ZC3H10: variants seen among roughly 807,000 people sequenced by gnomAD.
ZC3H10 encodes the protein zinc finger CCCH domain-containing protein 10.
Under a neutral mutation model 24.3 loss-of-function variants are expected in ZC3H10, and 12 were observed. The observed-to-expected ratio is 0.49, with a 90% CI of 0.32 to 0.80. The LOEUF (loss-of-function observed/expected upper bound fraction) is 0.80, where lower values mean the gene tolerates loss of function less well. Ranked by LOEUF, ZC3H10 falls within the 30% of genes least tolerant of loss-of-function variation. The pLI is 0.04. For missense variants in ZC3H10, 360 were observed against 576.3 expected, an observed-to-expected ratio of 0.62 and a Z score of 3.84; for synonymous variants, 226 against 217.0, an observed-to-expected ratio of 1.04 and a Z score of -0.36.
Position 56,121,411 on chromosome 12 carries a change from C to G in ZC3H10, c.849C>G (p.Thr283=). ...AQFRNQAKVI[T]LSSTAPATEQ... is the part of the protein sequence containing the mutation. ...TCCGCAATCAGGCCAAGGTCATAAC[C>G]CTGAGCTCCACTGCACCAGCGACTG... The change falls in exon 3 of 3, where the codon ACC becomes ACG. Residue 283 remains threonine (T), a synonymous_variant. Transcript: ENST00000257940. The surrounding 1 kb of genome is among the most constrained non-coding windows in gnomAD (Gnocchi z 6.2). 6.2e-7 allele frequency: 1 copy of G among 1,613,170 alleles called. No individual in the cohort carries two copies. The highest frequency in any genetic ancestry group is 1.3e-5 in the African/African-American group (1 of 74,996).
rs921428951 is a variant in ZC3H10 at position 56,123,041 on chromosome 12, A to G, written c.*1174A>G. ...GAGTCCTTCTAGGGACACAAGCCTCAGGGTCCATCCCTTTCCTCTGTCTCC... is the reference window on the plus strand; with the variant it reads ...GAGTCCTTCTAGGGACACAAGCCTCGGGGTCCATCCCTTTCCTCTGTCTCC... On this transcript the variant is annotated 3_prime_UTR_variant, in exon 3 of 3. Transcript: ENST00000257940. 2.0e-5 allele frequency: 3 copies of G among 152,256 alleles called. No homozygotes were observed. The highest frequency in any genetic ancestry group is 4.8e-5 in the African/African-American group (2 of 41,460). The allele number at this position is 152,256 out of a possible 1,614,324, so 9.4% of individuals were successfully genotyped here. A position where few individuals can be genotyped will look rare whatever the true frequency, so the allele number is the denominator to read the frequency against.
chr12:56,121,211 C>A lies in ZC3H10; in HGVS notation c.649C>A (p.Pro217Thr), dbSNP rs374457746. ...ACGCCGGCGAGGTGGATGCTGCCCC[C>A]CTGATGGCCCTCATTTTGAGTCATA... ...PKRRRGGCCPPDGPHFESYEY... is the reference protein window; with the variant it reads ...PKRRRGGCCPTDGPHFESYEY... The change falls in exon 3 of 3, where the codon CCT becomes ACT. Residue 217 changes from proline to threonine, a missense_variant. This residue lies in a region of ZC3H10 where 101 missense variants were observed against 110.8 expected (regional missense o/e 0.91). Transcript: ENST00000257940. This position sits in a 1 kb window ranked among gnomAD's most constrained non-coding sequence, Gnocchi z 6.2. 5.0e-6 allele frequency: 8 copies of A among 1,613,820 alleles called. No individual in the cohort carries two copies. Among genetic ancestry groups the A allele is most frequent in the South Asian group, 3.3e-5 (3 of 91,088 alleles).
intron 1 of ZC3H10, 43 bp downstream of exon 1, chr12:56,118,361 G>A (rs1379812061): frequency 1.3e-5 from 2 of 153,552 alleles, no homozygotes; most frequent in Non-Finnish European, 2.9e-5. Flanking sequence ...CGCCCGGAGG[G>A]GAGGAGTCGG....
In ZC3H10 at chr12:56,120,618, G is replaced by C. The variant is rs1255101459; in HGVS notation, c.56G>C (p.Gly19Ala). 3 of 1,596,410 alleles carry C rather than the reference G, an allele frequency of 1.9e-6. No individual in the cohort carries two copies. The highest frequency in any genetic ancestry group is 2.6e-6 in the Non-Finnish European group (3 of 1,170,462). ...ACCGGGAGCAGCGGTGGAGGCCCTG[G>C]AGGTGGTGGCAGCGAGGAGGCCAGT... is the stretch of plus-strand genomic sequence containing the variant. ...NGTGSSGGGP[G>A]GGGSEEASGA... Residue 19 changes from glycine to alanine, a missense_variant, in exon 3 of 3, where the codon GGA becomes GCA. This residue lies in a region of ZC3H10 where 126 missense variants were observed against 208.8 expected (regional missense o/e 0.60). Coordinates refer to ENST00000257940, the MANE Select transcript of ZC3H10 (RefSeq NM_032786.3).
Position 56,120,952 on chromosome 12 carries a change from A to G in ZC3H10, c.390A>G (p.Leu130=). 6.2e-7 allele frequency: 1 copy of G among 1,614,154 alleles called. No individual in the cohort carries two copies. Among genetic ancestry groups the G allele is most frequent in the Non-Finnish European group, 8.5e-7 (1 of 1,180,026 alleles). The part of the protein sequence containing the change: ...AAGLGLSPAD[L]PNGKEEVPIC... ...GCCTTGGCCTTTCACCGGCTGACCT[A>G]CCAAATGGCAAGGAGGAGGTCCCTA... The change falls in exon 3 of 3, where the codon CTA becomes CTG. Residue 130 remains leucine, a synonymous_variant. Transcript: ENST00000257940.
rs1019447711 is a variant in ZC3H10, at chr12:56,124,595, G to A, written c.*2728G>A. The A allele has an allele frequency of 2.0e-5, 3 of 152,240 alleles. No homozygotes were observed. Among genetic ancestry groups the A allele is most frequent in the African/African-American group, 7.2e-5 (3 of 41,462 alleles). The allele number at this position is 152,240 out of a possible 1,614,324, so 9.4% of individuals were successfully genotyped here. On this transcript the variant is annotated 3_prime_UTR_variant, in exon 3 of 3. Coordinates refer to ENST00000257940, the MANE Select transcript of ZC3H10 (RefSeq NM_032786.3). ...GAACACTTGTACTTAGTGTTGGTTAGCGCATTTATGTTAGAGAAATCTCTG... is the reference window on the plus strand; with the variant it reads ...GAACACTTGTACTTAGTGTTGGTTAACGCATTTATGTTAGAGAAATCTCTG...
At position 56,120,520 on chromosome 12, in the gene ZC3H10, A is replaced by G; in HGVS notation, c.-43A>G. On this transcript the variant is annotated 5_prime_UTR_variant, in exon 3 of 3. Transcript: ENST00000257940. ...TTCTCCTCTTTTGTAGTGGTCACCA[A>G]GAGTGGCAAGATAAAGAAAACCCTG... 1 of 1,493,828 alleles carries G rather than the reference A, an allele frequency of 6.7e-7. No homozygotes were observed. Among genetic ancestry groups the G allele is most frequent in the Non-Finnish European group, 8.9e-7 (1 of 1,129,888 alleles). 92.5% of individuals were successfully genotyped at this position (1,493,828 alleles called of 1,614,324 possible).
rs1335906165 is a variant in ZC3H10 at position 56,126,157 on chromosome 12, C to A, written c.*4290C>A. ...CCTCAAATCTTGTTGCCCTTCCCAT[C>A]TTTGTGAGCTGAGATCAGAGTACCG... On this transcript the variant is annotated 3_prime_UTR_variant, in exon 3 of 3. Transcript: ENST00000257940. 2.0e-5 allele frequency: 3 copies of A among 152,166 alleles called. No homozygotes were observed. Among genetic ancestry groups the A allele is most frequent in the African/African-American group, 7.2e-5 (3 of 41,426 alleles). 9.4% of individuals were successfully genotyped at this position (152,166 alleles called of 1,614,324 possible). A position where few individuals can be genotyped will look rare whatever the true frequency, so the allele number is the denominator to read the frequency against.
In ZC3H10 at chr12:56,120,965, G is replaced by C. The variant is rs75082344; in HGVS notation, c.403G>C (p.Glu135Gln). ...ACCGGCTGACCTACCAAATGGCAAG[G>C]AGGAGGTCCCTATCTGCCGTGACTT... ...LSPADLPNGK[E>Q]EVPICRDFLK... Residue 135 changes from glutamate (E) to glutamine (Q), a missense_variant, in exon 3 of 3, where the codon GAG becomes CAG. Coordinates refer to ENST00000257940, the MANE Select transcript of ZC3H10 (RefSeq NM_032786.3). 5.3e-5 allele frequency: 86 copies of C among 1,614,050 alleles called. No individual in the cohort carries two copies. Among genetic ancestry groups the C allele is most frequent in the Non-Finnish European group, 7.2e-5 (85 of 1,180,036 alleles).
In ZC3H10 at chr12:56,122,851, C is replaced by T. The variant is rs1869886855; in HGVS notation, c.*984C>T. The T allele has an allele frequency of 6.6e-6, 1 of 152,242 alleles. No individual in the cohort carries two copies. Among genetic ancestry groups the T allele is most frequent in the African/African-American group, 2.4e-5 (1 of 41,444 alleles). 9.4% of individuals were successfully genotyped at this position (152,242 alleles called of 1,614,324 possible). On this transcript the variant is annotated 3_prime_UTR_variant, in exon 3 of 3. Coordinates refer to ENST00000257940, the MANE Select transcript of ZC3H10 (RefSeq NM_032786.3). The stretch of plus-strand genomic sequence containing the variant: ...TTGCTGAAATGCGGATGGGATGTTA[C>T]ATAGTTGACAGATCCTTATTCAAAC...
In ZC3H10 at chr12:56,120,817, G is replaced by A; in HGVS notation, c.255G>A (p.Lys85=). Reference sequence around the variant, plus strand: ...TCTTCTGCCATGACTTCCAGAACAAGGAGTGTAGCCGCCCAAATTGCCGTT... The same window carrying A: ...TCTTCTGCCATGACTTCCAGAACAAAGAGTGTAGCCGCCCAAATTGCCGTT... The part of the protein sequence containing the change: ...EFIFCHDFQN[K]ECSRPNCRFI... The change falls in exon 3 of 3, where the codon AAG becomes AAA. Residue 85 remains lysine, a synonymous_variant. Coordinates refer to ENST00000257940, the MANE Select transcript of ZC3H10 (RefSeq NM_032786.3). The A allele has an allele frequency of 6.2e-7, 1 of 1,614,200 alleles. No homozygotes were observed. The highest frequency in any genetic ancestry group is 1.1e-5 in the South Asian group (1 of 91,082).
intron 1 of ZC3H10, chr12:56,118,619 C>T (rs908885922): frequency 6.6e-6 from 1 of 152,310 alleles, no homozygotes; most frequent in African/African-American, 2.4e-5. Context: ...GCCGGCGGCA[C>T]TGCACGGAAC....
chr12:56,122,064 T>A lies in ZC3H10; in HGVS notation c.*197T>A. 1 of 665,226 alleles carries A rather than the reference T, an allele frequency of 1.5e-6. No homozygotes were observed. The highest frequency in any genetic ancestry group is 2.2e-5 in the South Asian group (1 of 44,628). 41.2% of individuals were successfully genotyped at this position (665,226 alleles called of 1,614,324 possible). On this transcript the variant is annotated 3_prime_UTR_variant, in exon 3 of 3. Coordinates refer to ENST00000257940, the MANE Select transcript of ZC3H10 (RefSeq NM_032786.3). ...CCTCCCTTTTATGAGGGTCCTCTTG[T>A]CCATCTTCAAGCCTCACAGTGGGGG...
rs1869879904 is a variant in ZC3H10 at position 56,122,559 on chromosome 12, CA to C, written c.*693del. The C allele has an allele frequency of 6.1e-6, 1 of 164,150 alleles. No homozygotes were observed. Among genetic ancestry groups the C allele is most frequent in the Admixed American group, 6.5e-5 (1 of 15,286 alleles). The allele number at this position is 164,150 out of a possible 1,614,324, so 10.2% of individuals were successfully genotyped here. On this transcript the variant is annotated 3_prime_UTR_variant, in exon 3 of 3. Transcript: ENST00000257940. Reference sequence around the variant, plus strand: ...GAAGATGGGAGCAGTAAATAGATCTCATGCCAAAATGGGATAAAGACCCCAG... The same window carrying C: ...GAAGATGGGAGCAGTAAATAGATCTCTGCCAAAATGGGATAAAGACCCCAG...
At position 56,121,779 on chromosome 12, in the gene ZC3H10, C is replaced by G; in HGVS notation, c.1217C>G (p.Ala406Gly). Reference sequence around the variant, plus strand: ...GCTGTATCGATGGCCCAACCCTTGGCAGGAATCACAATGAGCCACACCACC... The same window carrying G: ...GCTGTATCGATGGCCCAACCCTTGGGAGGAATCACAATGAGCCACACCACC... ...PVAVSMAQPL[A>G]GITMSHTTTP... The change falls in exon 3 of 3, where the codon GCA becomes GGA. Residue 406 changes from alanine to glycine, a missense_variant. Transcript: ENST00000257940. This position sits in a 1 kb window ranked among gnomAD's most constrained non-coding sequence, Gnocchi z 6.2. 1 of 1,614,224 alleles carries G rather than the reference C, an allele frequency of 6.2e-7. No homozygotes were observed. The highest frequency in any genetic ancestry group is 8.5e-7 in the Non-Finnish European group (1 of 1,180,026).
At chr12:56,120,091 G>A (rs1478526745) in intron 2 of ZC3H10, 1 of 445,860 alleles carries the variant, frequency 2.2e-6, no homozygotes, top group African/African-American at 2.1e-5. Flanking sequence ...GGGGGTTAAG[G>A]AAGTTTTGTT....
Position 56,121,330 on chromosome 12 carries a change from G to A in ZC3H10, c.768G>A (p.Lys256=). 6.2e-7 allele frequency: 1 copy of A among 1,613,950 alleles called. No homozygotes were observed. The highest frequency in any genetic ancestry group is 1.6e-4 in the Middle Eastern group (1 of 6,062). Residue 256 remains lysine, a synonymous_variant, in exon 3 of 3, where the codon AAG becomes AAA. Coordinates refer to ENST00000257940, the MANE Select transcript of ZC3H10 (RefSeq NM_032786.3). This position sits in a 1 kb window ranked among gnomAD's most constrained non-coding sequence, Gnocchi z 6.2. ...MLRKRVEELK[K]QVSNLLATNE... ...GGAAGCGGGTAGAGGAGTTAAAGAA[G>A]CAGGTCAGCAACCTGCTGGCCACCA... is the stretch of plus-strand genomic sequence containing the variant.
Position 56,121,863 on chromosome 12 carries a change from A to G in ZC3H10, c.1301A>G (p.His434Arg), listed in dbSNP as rs1869853560. 1.9e-6 allele frequency: 3 copies of G among 1,605,664 alleles called. No individual in the cohort carries two copies. The highest frequency in any genetic ancestry group is 4.5e-5 in the East Asian group (2 of 44,826). Residue 434 changes from histidine (H) to arginine (R), a missense_variant, in exon 3 of 3, where the codon CAC becomes CGC. Coordinates refer to ENST00000257940, the MANE Select transcript of ZC3H10 (RefSeq NM_032786.3). The surrounding 1 kb of genome is among the most constrained non-coding windows in gnomAD (Gnocchi z 6.2). The stretch of plus-strand genomic sequence containing the variant: ...AGCATGCGCATCACGGCCATGCCAC[A>G]CTGATGGGGCTAATGGACACTCCCC... ...SQSMRITAMP[H>R] is the part of the protein sequence containing the mutation.
Position 56,121,562 on chromosome 12 carries a change from C to A in ZC3H10, c.1000C>A (p.Pro334Thr). ...AGTGTCCCAGCAAGAACTGGTGGCC[C>A]CTGCTGGAGCTCCAGCTGCTCCCCC... Reference protein sequence around the residue: ...RPVSQQELVAPAGAPAAPPTN... With the variant: ...RPVSQQELVATAGAPAAPPTN... The change falls in exon 3 of 3, where the codon CCT (proline) becomes ACT (threonine). Residue 334 changes from proline to threonine, a missense_variant. By Grantham distance (38) the Pro-to-Thr change is conservative. This residue lies in a region of ZC3H10 where 133 missense variants were observed against 256.7 expected (regional missense o/e 0.52). Transcript: ENST00000257940. This position sits in a 1 kb window ranked among gnomAD's most constrained non-coding sequence, Gnocchi z 6.2. 6.2e-7 allele frequency: 1 copy of A among 1,614,086 alleles called. No individual in the cohort carries two copies. The highest frequency in any genetic ancestry group is 2.2e-5 in the East Asian group (1 of 44,880).
Sources: gnomAD v4.1 joint callset for allele counts on GRCh38, gnomAD v4.1.1 for gene constraint, gnomAD v4.1.1 regional missense constraint, Gnocchi (gnomAD v3.1) non-coding constraint, MANE v1.5 for transcripts, NCBI Gene and HGNC (gene_info 2026-07-23, HGNC 2026-07-21) for gene names.